Variants in KLHL32 observed in about 807,000 individuals in gnomAD.
KLHL32 encodes the protein kelch-like protein 32.
KLHL32 carries 35 observed loss-of-function variants against 64.8 expected under a neutral mutation model. The ratio of observed to expected loss-of-function variants is 0.54; its 90% confidence interval spans 0.41 to 0.72. The LOEUF (loss-of-function observed/expected upper bound fraction) is 0.72, where lower values mean the gene tolerates loss of function less well. Ranked by LOEUF, KLHL32 falls within the 30% of genes least tolerant of loss-of-function variation. The pLI is 0.00. For missense variants in KLHL32, 589 were observed against 768.5 expected (o/e 0.77, Z 2.76); for synonymous variants, 259 against 281.0 (o/e 0.92, Z 0.78).
intron 6 of KLHL32, among the ~76,000 whole-genome samples, chr6:97,088,106 C>T (rs934587368): frequency 6.6e-6 from 1 of 152,170 alleles, no homozygotes; most frequent in Non-Finnish European, 1.5e-5. Flanking sequence ...ATGACTTGAT[C>T]TGTTGGTTAA....
In KLHL32 at chr6:97,025,182, C is replaced by T. The variant is rs183053051; in HGVS notation, c.205-16310C>T. 1.6e-4 allele frequency: 146 copies of T among 891,178 alleles called. 1 individual carries two copies. In the African/African-American group the frequency reaches 2.5e-3, roughly 15 times the overall value. 55.2% of individuals were successfully genotyped at this position (891,178 alleles called of 1,614,324 possible). A position where few individuals can be genotyped will look rare whatever the true frequency, so the allele number is the denominator to read the frequency against. ...AGAATTATTGGAATCTGTAGAAATG[C>T]CATGATTCTGTTTATCGTCTTTGTA... On this transcript the variant is annotated intron_variant, in intron 3 of 10. Transcript: ENST00000369261.
intron 3 of KLHL32, among the ~76,000 whole-genome samples, chr6:97,017,508 G>T (rs1183130713): frequency 6.6e-6 from 1 of 152,200 alleles, no homozygotes; most frequent in African/African-American, 2.4e-5. Flanking sequence ...GAGGAGTCAG[G>T]CAAGGGTTAG....
intron 3 of KLHL32, chr6:97,025,000 G>A (rs9487760): frequency 0.034 from 33,810 of 984,258 alleles, 1,204 homozygotes; most frequent in African/African-American, 0.17. Context: ...TCAGGTATAC[G>A]GTCAACCTCA....
chr6:97,039,610 A>G (rs1267331420), intron 3 of KLHL32, among the ~76,000 whole-genome samples: 2 of 144,070 alleles, frequency 1.4e-5, no homozygotes, highest in Non-Finnish European at 3.0e-5. Flanking sequence ...TCACAAGGTC[A>G]GGAGTTCAAG....
chr6:97,047,075 A>T (rs1349735397), intron 4 of KLHL32, among the ~76,000 whole-genome samples: 2 of 152,196 alleles, frequency 1.3e-5, no homozygotes, highest in Non-Finnish European at 2.9e-5. Flanking sequence ...GTGTAACAAG[A>T]TGTGTGCGTG....
chr6:97,095,193 C>A (rs992448625), intron 6 of KLHL32, among the ~76,000 whole-genome samples: 13 of 152,188 alleles, frequency 8.5e-5, no homozygotes, highest in African/African-American at 3.1e-4. Context: ...AGTTAAGTGG[C>A]AAACACACTT....
rs141777180 is a variant in KLHL32 at position 96,950,125 on chromosome 6, C to G, written c.-65-16871C>G. Among the ~76,000 whole-genome samples, 1,458 of 151,592 alleles carry G rather than the reference C, an allele frequency of 9.6e-3. 11 individuals carry two copies. Among genetic ancestry groups the G allele is most frequent in the Non-Finnish European group, 0.017 (1,126 of 67,882 alleles). ...TGATTTCTTTTGAGTTTTGATATCTCAAAGTTGTTAAAATTATGTGCATAT... is the reference window on the plus strand; with the variant it reads ...TGATTTCTTTTGAGTTTTGATATCTGAAAGTTGTTAAAATTATGTGCATAT... On this transcript the variant is annotated intron_variant, in intron 1 of 10. Coordinates refer to ENST00000369261, the MANE Select transcript of KLHL32 (RefSeq NM_052904.4).
chr6:96,962,663 A>C (rs1471896296), intron 1 of KLHL32, among the ~76,000 whole-genome samples: 1 of 152,186 alleles, frequency 6.6e-6, no homozygotes, highest in Non-Finnish European at 1.5e-5. Flanking sequence ...TCTATAATAA[A>C]AGAAGACACA....
intron 4 of KLHL32, among the ~76,000 whole-genome samples, chr6:97,053,083 T>TACAC (rs146503529): frequency 0.013 from 1,952 of 149,570 alleles, 44 homozygotes; most frequent in African/African-American, 0.045. Flanking sequence ...TGAGGATGGA[T>TACAC]ACACACACAC....
chr6:97,054,310 A>G (rs768363200), intron 4 of KLHL32, among the ~76,000 whole-genome samples: 1 of 152,186 alleles, frequency 6.6e-6, no homozygotes, highest in Non-Finnish European at 1.5e-5. Flanking sequence ...CTTCATAAAA[A>G]CCATCCATTT....
intron 3 of KLHL32, among the ~76,000 whole-genome samples, chr6:97,001,735 A>T (rs967621671): frequency 6.6e-6 from 1 of 152,226 alleles, no homozygotes; most frequent in African/African-American, 2.4e-5. Context: ...AACAGATAAT[A>T]GTCATGGTCT....
At chr6:96,928,299 C>T (rs562799607) in intron 1 of KLHL32, among the ~76,000 whole-genome samples, 3 of 152,172 alleles carry the variant, frequency 2.0e-5, no homozygotes, top group African/African-American at 7.2e-5. Context: ...GGAGTCTCCA[C>T]CAGACAGTCT....
chr6:96,927,222 A>G (rs1355438082), intron 1 of KLHL32, among the ~76,000 whole-genome samples: 6 of 152,150 alleles, frequency 3.9e-5, no homozygotes, highest in Non-Finnish European at 8.8e-5. Flanking sequence ...TTTTCTTGCC[A>G]TAAGGCCAAG....
intron 3 of KLHL32, among the ~76,000 whole-genome samples, chr6:97,017,959 T>A (rs1781458828): frequency 6.6e-6 from 1 of 152,174 alleles, no homozygotes; most frequent in South Asian, 2.1e-4. Context: ...CACTATGCTG[T>A]GTCATGAGTG....
intron 4 of KLHL32, among the ~76,000 whole-genome samples, chr6:97,063,376 A>G (rs1789219902): frequency 6.6e-6 from 1 of 152,224 alleles, no homozygotes; most frequent in South Asian, 2.1e-4. Flanking sequence ...CCTACCATCC[A>G]GTAGAAAGAG....
At chr6:96,988,923 G>C (rs558120980) in intron 3 of KLHL32, among the ~76,000 whole-genome samples, 14 of 151,944 alleles carry the variant, frequency 9.2e-5, no homozygotes, top group African/African-American at 1.7e-4. Context: ...ATGGAGACAG[G>C]AAGGGGAACA....
intron 4 of KLHL32, among the ~76,000 whole-genome samples, chr6:97,059,039 T>C (rs78413225): frequency 0.029 from 4,443 of 152,286 alleles, 231 homozygotes; most frequent in African/African-American, 0.1. Flanking sequence ...CCCAAGTTGA[T>C]TCTGTCAGCA....
At chr6:97,056,087 TTTTTTTTTC>T in intron 4 of KLHL32, among the ~76,000 whole-genome samples, 2 of 130,092 alleles carry the variant, frequency 1.5e-5, no homozygotes, top group African/African-American at 6.7e-5. Context: ...CTCCCTTTTC[TTTTTTTTTC>T]TTTTTTTTTC....
At chr6:97,138,957 G>A (rs1024201518) in intron 10 of KLHL32, among the ~76,000 whole-genome samples, 164 bp from the exon 11 acceptor site, 20 of 152,158 alleles carry the variant, frequency 1.3e-4, no homozygotes, top group Non-Finnish European at 2.5e-4. Context: ...TTTAGTAGGA[G>A]CTTAATAAAT....
Sources: allele counts gnomAD v4.1 joint callset (sites outside exome capture counted in the v4.1 genomes callset), GRCh38; gene constraint gnomAD v4.1.1; transcripts MANE v1.5; gene names NCBI Gene and HGNC (gene_info 2026-07-23, HGNC 2026-07-21).